Variants in TP63 observed in about 807,000 individuals in gnomAD.
TP63 encodes the protein tumor protein 63.
A neutral mutation model predicts 82.8 loss-of-function variants in TP63; 17 were observed. The ratio of observed to expected loss-of-function variants is 0.21; its 90% CI spans 0.14 to 0.31. TP63 has a LOEUF of 0.31. Among genes scored for constraint, TP63 ranks in the 10% least tolerant of loss-of-function variants. TP63 has a pLI of 1.00. For synonymous variants in TP63, 330 were observed against 321.7 expected (o/e 1.03, Z -0.28); for missense variants, 648 against 895.3 (o/e 0.72, Z 3.52).
chr3:189,658,373 A>G (rs1713575383), intron 1 of TP63, among the ~76,000 whole-genome samples: 1 of 151,978 alleles, frequency 6.6e-6, no homozygotes, highest in South Asian at 2.1e-4. Context: ...TGAAGCCCTC[A>G]CTCCTTAAGT....
intron 3 of TP63, among the ~76,000 whole-genome samples, chr3:189,761,166 A>G (rs893984587): frequency 1.3e-5 from 2 of 152,234 alleles, no homozygotes; most frequent in Non-Finnish European, 2.9e-5. Flanking sequence ...GGTGATTAAC[A>G]TTAGGCTGCT....
At chr3:189,662,884 T>C (rs1368448509) in intron 1 of TP63, among the ~76,000 whole-genome samples, 1 of 152,076 alleles carries the variant, frequency 6.6e-6, no homozygotes, top group Non-Finnish European at 1.5e-5. Flanking sequence ...GGAATTCTAA[T>C]TTGATCACTA....
intron 1 of TP63, among the ~76,000 whole-genome samples, chr3:189,688,940 A>G (rs1288259982): frequency 6.6e-6 from 1 of 152,006 alleles, no homozygotes; most frequent in African/African-American, 2.4e-5. Context: ...TCACTTTACA[A>G]TGGCAGCGAC....
At chr3:189,832,589 TTATGC>T (rs1183015497) in intron 4 of TP63, among the ~76,000 whole-genome samples, 3 of 152,210 alleles carry the variant, frequency 2.0e-5, no homozygotes, top group African/African-American at 4.8e-5. Context: ...GCATAGTCAG[TTATGC>T]TTATTATCTT....
chr3:189,832,978 A>G (rs923451528), intron 4 of TP63, among the ~76,000 whole-genome samples: 2 of 152,230 alleles, frequency 1.3e-5, no homozygotes, highest in Non-Finnish European at 2.9e-5. Context: ...TCCAAATTTA[A>G]GCACGTTTAA....
intron 1 of TP63, among the ~76,000 whole-genome samples, chr3:189,682,594 A>G (rs573873568): frequency 7.2e-6 from 1 of 139,596 alleles, no homozygotes. Context: ...ATATATATAT[A>G]TCCTATTCAC....
intron 3 of TP63, among the ~76,000 whole-genome samples, chr3:189,748,487 A>C (rs544133509): frequency 6.7e-6 from 1 of 149,360 alleles, no homozygotes; most frequent in East Asian, 2.0e-4. Flanking sequence ...AGAAGGCAAA[A>C]TATCTCTACA....
At chr3:189,721,801 A>AT (rs1296216684) in intron 1 of TP63, among the ~76,000 whole-genome samples, 2 of 152,140 alleles carry the variant, frequency 1.3e-5, no homozygotes, top group African/African-American at 4.8e-5. Flanking sequence ...AAGCATTACA[A>AT]TCTCTTGTGG....
intron 3 of TP63, among the ~76,000 whole-genome samples, chr3:189,767,475 C>T (rs1723040405): frequency 1.3e-5 from 2 of 152,132 alleles, no homozygotes; most frequent in Non-Finnish European, 1.5e-5. Flanking sequence ...AATTCAATTT[C>T]GCTTTCTCTG....
chr3:189,742,709 A>T (rs1404932583), intron 3 of TP63, among the ~76,000 whole-genome samples: 1 of 152,224 alleles, frequency 6.6e-6, no homozygotes, highest in Non-Finnish European at 1.5e-5. Context: ...ACAATTTTGC[A>T]CCTATGATCT....
chr3:189,748,971 G>T (rs1200688959), intron 3 of TP63, among the ~76,000 whole-genome samples: 1 of 152,070 alleles, frequency 6.6e-6, no homozygotes, highest in African/African-American at 2.4e-5. Flanking sequence ...GGGAAAATTG[G>T]ATATTCATAT....
intron 3 of TP63, among the ~76,000 whole-genome samples, chr3:189,802,949 A>C (rs1290339257): frequency 6.6e-6 from 1 of 152,168 alleles, no homozygotes; most frequent in Admixed American, 6.5e-5. Context: ...TATTGTTGCT[A>C]TAGTGTCATA....
chr3:189,782,141 A>G (rs1724277459), intron 3 of TP63, among the ~76,000 whole-genome samples: 1 of 152,154 alleles, frequency 6.6e-6, no homozygotes, highest in Admixed American at 6.6e-5. Flanking sequence ...GAGGGGTTTC[A>G]TTTTTATGGT....
chr3:189,835,622 T>C (rs958260192), intron 4 of TP63, among the ~76,000 whole-genome samples: 3 of 152,106 alleles, frequency 2.0e-5, no homozygotes, highest in Admixed American at 6.6e-5. Context: ...TTTAAAATGT[T>C]CCAAAAAAGT....
At chr3:189,639,977 A>G (rs1397823125) in intron 1 of TP63, among the ~76,000 whole-genome samples, 1 of 152,134 alleles carries the variant, frequency 6.6e-6, no homozygotes, top group Non-Finnish European at 1.5e-5. Context: ...CAGCTTCCTT[A>G]AAAACATCAA....
the TP63 span, among the ~76,000 whole-genome samples, chr3:189,624,827 A>C: frequency 3.3e-5 from 5 of 152,196 alleles, no homozygotes; most frequent in Admixed American, 3.3e-4. Flanking sequence ...TGTAGTCTCC[A>C]GCCATTGTTG....
At chr3:189,830,516 G>C (rs187592279) in intron 4 of TP63, among the ~76,000 whole-genome samples, 5 of 152,148 alleles carry the variant, frequency 3.3e-5, no homozygotes, top group Non-Finnish European at 5.9e-5. Context: ...TTTCATCATA[G>C]TGAGTTTTCA....
At chr3:189,612,234 T>C in the TP63 span, among the ~76,000 whole-genome samples, 1 of 151,500 alleles carries the variant, frequency 6.6e-6, no homozygotes, top group Non-Finnish European at 1.5e-5. Flanking sequence ...AATTTCAGCT[T>C]GAGTTGTATC....
intron 1 of TP63, among the ~76,000 whole-genome samples, chr3:189,684,761 G>A (rs1401454851): frequency 6.6e-6 from 1 of 151,560 alleles, no homozygotes; most frequent in Non-Finnish European, 1.5e-5. Flanking sequence ...CTCCCGAGTA[G>A]CTGAGATTAC....
Sources: gnomAD v4.1 joint callset for allele counts (sites outside exome capture counted in the v4.1 genomes callset) on GRCh38, gnomAD v4.1.1 for gene constraint, MANE v1.5 for transcripts, NCBI Gene and HGNC (gene_info 2026-07-23, HGNC 2026-07-21) for gene names.